Variants in ATXN10 observed in about 807,000 individuals in gnomAD.
ATXN10 encodes ataxin-10.
ATXN10 carries 28 observed loss-of-function variants against 52.9 expected under a neutral mutation model. That is an observed-to-expected ratio of 0.53 (90% confidence interval 0.39 to 0.73). The LOEUF (loss-of-function observed/expected upper bound fraction) is 0.73. ATXN10 is among the 30% of genes least tolerant of loss of function. The probability of loss-of-function intolerance (pLI) is 0.00; values close to 1 mark genes in which losing one functional copy is unlikely to be tolerated. For missense variants in ATXN10, 565 were observed against 577.0 expected (o/e 0.98, Z 0.21); for synonymous variants, 226 against 221.5 (o/e 1.02, Z -0.18).
At chr22:45,755,357 T>G (rs1926136478) in intron 9 of ATXN10, among the ~76,000 whole-genome samples, 1 of 152,206 alleles carries the variant, frequency 6.6e-6, no homozygotes, top group Admixed American at 6.5e-5. Context: ...TCATCCTTCT[T>G]TTACATACTT....
At chr22:45,831,250 G>A (rs9626456) in intron 10 of ATXN10, among the ~76,000 whole-genome samples, 1 of 152,150 alleles carries the variant, frequency 6.6e-6, no homozygotes, top group African/African-American at 2.4e-5. Flanking sequence ...TTTACAAGAC[G>A]AGTTGCGGAG....
intron 1 of ATXN10, among the ~76,000 whole-genome samples, chr22:45,680,282 A>G (rs925816411): frequency 7.9e-5 from 12 of 152,170 alleles, no homozygotes; most frequent in African/African-American, 2.7e-4. Context: ...TGTCATTGTC[A>G]TCATCATCAT....
At chr22:45,698,182 C>G (rs1389789605) in intron 3 of ATXN10, among the ~76,000 whole-genome samples, 1 of 152,124 alleles carries the variant, frequency 6.6e-6, no homozygotes, top group Non-Finnish European at 1.5e-5. Flanking sequence ...ATTGCTGGGT[C>G]ATATGGTAAC....
chr22:45,695,014 A>G (rs1439928603), intron 3 of ATXN10, among the ~76,000 whole-genome samples: 1 of 149,532 alleles, frequency 6.7e-6, no homozygotes, highest in East Asian at 2.0e-4. Context: ...GATAAGTTAG[A>G]TGTACTAAAT....
At position 45,763,440 on chromosome 22, in the gene ATXN10, G is replaced by A. The variant is rs1392346904; in HGVS notation, c.1173+22902G>A. Among the ~76,000 whole-genome samples the A allele has an allele frequency of 2.0e-5, 3 of 152,168 alleles. No homozygotes were observed. Among genetic ancestry groups the A allele is most frequent in the Admixed American group, 6.5e-5 (1 of 15,288 alleles). On this transcript the variant is annotated intron_variant, in intron 9 of 11. Coordinates refer to ENST00000252934, the MANE Select transcript of ATXN10 (RefSeq NM_013236.4). The surrounding 1 kb of genome is among the most constrained non-coding windows in gnomAD (Gnocchi z 6.9). ...TCGCTCGCTTTGCCAGGAGACAGGCGGCTCCTTGCCTGAGCCTCTGTGCTT... is the reference window on the plus strand; with the variant it reads ...TCGCTCGCTTTGCCAGGAGACAGGCAGCTCCTTGCCTGAGCCTCTGTGCTT...
chr22:45,830,860 G>C (rs1218162764), intron 10 of ATXN10, among the ~76,000 whole-genome samples: 3 of 152,156 alleles, frequency 2.0e-5, no homozygotes. Context: ...TTCCACTTCT[G>C]GGTATATACC....
intron 6 of ATXN10, among the ~76,000 whole-genome samples, chr22:45,725,982 C>T (rs924835311): frequency 5.3e-5 from 8 of 152,090 alleles, no homozygotes; most frequent in African/African-American, 1.4e-4. Flanking sequence ...TGAACCATCC[C>T]TACATCCTAA....
At chr22:45,730,458 A>C (rs1446371779) in intron 7 of ATXN10, among the ~76,000 whole-genome samples, 1 of 152,182 alleles carries the variant, frequency 6.6e-6, no homozygotes, top group East Asian at 1.9e-4. Flanking sequence ...TTTTGAGACA[A>C]AGCCTTGCTC....
intron 9 of ATXN10, among the ~76,000 whole-genome samples, chr22:45,746,663 A>T (rs577651663): frequency 1.3e-4 from 19 of 141,514 alleles, no homozygotes; most frequent in African/African-American, 4.8e-4. Flanking sequence ...GGACTTCCCA[A>T]CCTTCATACT....
In ATXN10 at chr22:45,720,090, T is replaced by A. The variant is rs75932713; in HGVS notation, c.728+1597T>A. Reference sequence around the variant, plus strand: ...TATATTGATTAATGTAATCTTATCTTCTAAGTTGGAAGCCTCAAGGTTATA... The same window carrying A: ...TATATTGATTAATGTAATCTTATCTACTAAGTTGGAAGCCTCAAGGTTATA... On this transcript the variant is annotated intron_variant, in intron 6 of 11. Coordinates refer to ENST00000252934, the MANE Select transcript of ATXN10 (RefSeq NM_013236.4). 7.4e-3 allele frequency among the ~76,000 whole-genome samples: 1,122 copies of A among 152,332 alleles called. 9 individuals carry two copies. Among genetic ancestry groups the A allele is most frequent in the African/African-American group, 0.016 (659 of 41,582 alleles).
At position 45,759,797 on chromosome 22, in the gene ATXN10, C is replaced by G. The variant is rs1368535233; in HGVS notation, c.1173+19259C>G. Among the ~76,000 whole-genome samples, 1 of 152,188 alleles carries G rather than the reference C, an allele frequency of 6.6e-6. No individual in the cohort carries two copies. Among genetic ancestry groups the G allele is most frequent in the African/African-American group, 2.4e-5 (1 of 41,432 alleles). On this transcript the variant is annotated intron_variant, in intron 9 of 11. Transcript: ENST00000252934. The surrounding 1 kb of genome is among the most constrained non-coding windows in gnomAD (Gnocchi z 5.4). ...GGGACCATATAACAGTCAGCACTGT[C>G]CATCGCTTGCTTCTCTCTCTTTCTA... is the stretch of plus-strand genomic sequence containing the variant.
chr22:45,726,705 T>A (rs1300297372), intron 6 of ATXN10, among the ~76,000 whole-genome samples: 1 of 152,196 alleles, frequency 6.6e-6, no homozygotes, highest in South Asian at 2.1e-4. Context: ...TTGTTCTTCT[T>A]GAGACAGGGT....
intron 10 of ATXN10, among the ~76,000 whole-genome samples, chr22:45,808,418 GA>G (rs1928173386): frequency 1.3e-5 from 2 of 152,186 alleles, no homozygotes; most frequent in Non-Finnish European, 2.9e-5. Flanking sequence ...TTTTAGCAAA[GA>G]CCAGAAAATA....
At chr22:45,808,545 A>T (rs73441921) in intron 10 of ATXN10, among the ~76,000 whole-genome samples, 1,702 of 152,318 alleles carry the variant, frequency 0.011, 39 homozygotes, top group African/African-American at 0.039. Context: ...TTCAGGAAAC[A>T]TTCATTCAGT....
In ATXN10 at chr22:45,820,363, A is replaced by G. The variant is rs1035562218; in HGVS notation, c.1237+13341A>G. 6.6e-6 allele frequency among the ~76,000 whole-genome samples: 1 copy of G among 152,224 alleles called. No individual in the cohort carries two copies. Among genetic ancestry groups the G allele is most frequent in the Non-Finnish European group, 1.5e-5 (1 of 68,042 alleles). Reference sequence around the variant, plus strand: ...AGGACAGAACGCTAAGGGGTGGTAGAAGAAAGGATGGCCTACTCAGAGGCT... The same window carrying G: ...AGGACAGAACGCTAAGGGGTGGTAGGAGAAAGGATGGCCTACTCAGAGGCT... On this transcript the variant is annotated intron_variant, in intron 10 of 11. Coordinates refer to ENST00000252934, the MANE Select transcript of ATXN10 (RefSeq NM_013236.4). The surrounding 1 kb of genome is among the most constrained non-coding windows in gnomAD (Gnocchi z 4.9).
chr22:45,691,947 T>G (rs1157157055), intron 2 of ATXN10, among the ~76,000 whole-genome samples: 3 of 152,150 alleles, frequency 2.0e-5, no homozygotes, highest in African/African-American at 7.2e-5. Flanking sequence ...ACTGGTCTTG[T>G]TGTGGATGAC....
Position 45,844,191 on chromosome 22 carries a change from A to T in ATXN10, c.*520A>T, listed in dbSNP as rs1929438063. 6.0e-6 allele frequency: 1 copy of T among 167,484 alleles called. No individual in the cohort carries two copies. Among genetic ancestry groups the T allele is most frequent in the Non-Finnish European group, 1.3e-5 (1 of 77,300 alleles). 10.4% of individuals were successfully genotyped at this position (167,484 alleles called of 1,614,324 possible). A position where few individuals can be genotyped will look rare whatever the true frequency, so the allele number is the denominator to read the frequency against. ...CTCATTTCCAGTTAATTAATTCGAG[A>T]ACCCTCCCTCTTCATTTTGGGTACT... is the stretch of plus-strand genomic sequence containing the variant. On this transcript the variant is annotated 3_prime_UTR_variant, in exon 12 of 12. Transcript: ENST00000252934.
rs1293794697 is a variant in ATXN10, at chr22:45,818,368, G to A, written c.1237+11346G>A. 1.3e-5 allele frequency among the ~76,000 whole-genome samples: 2 copies of A among 152,132 alleles called. No individual in the cohort carries two copies. Among genetic ancestry groups the A allele is most frequent in the African/African-American group, 2.4e-5 (1 of 41,416 alleles). ...GTGTTCCTGCAGGCCAGTGCCTTGC[G>A]TTTGTCCTGCCAAGCCTGGTTGCTC... On this transcript the variant is annotated intron_variant, in intron 10 of 11. Coordinates refer to ENST00000252934, the MANE Select transcript of ATXN10 (RefSeq NM_013236.4). The surrounding 1 kb of genome is among the most constrained non-coding windows in gnomAD (Gnocchi z 4.6).
chr22:45,731,292 G>A (rs917778867), intron 7 of ATXN10, among the ~76,000 whole-genome samples: 1 of 152,082 alleles, frequency 6.6e-6, no homozygotes, highest in African/African-American at 2.4e-5. Context: ...CAGATATATC[G>A]GTCATGACAG....
Sources: allele counts gnomAD v4.1 joint callset (sites outside exome capture counted in the v4.1 genomes callset), GRCh38; gene constraint gnomAD v4.1.1; non-coding constraint Gnocchi (gnomAD v3.1); transcripts MANE v1.5; gene names NCBI Gene and HGNC (gene_info 2026-07-23, HGNC 2026-07-21).